The following SCAPER variants were observed in gnomAD, a reference collection of about 807,000 sequenced individuals.
SCAPER encodes S phase cyclin A-associated protein in the endoplasmic reticulum.
In SCAPER, 98 loss-of-function variants were observed where a neutral mutation model predicts 182.2. That is an observed-to-expected ratio of 0.54 (90% CI 0.46 to 0.64). The LOEUF is 0.64. Among genes scored for constraint, SCAPER ranks in the 30% least tolerant of loss-of-function variants. The probability of loss-of-function intolerance (pLI) is 0.00; values close to 1 mark genes in which losing one functional copy is unlikely to be tolerated. For missense variants in SCAPER, 1,432 were observed against 1,690.0 expected (o/e 0.85, Z 2.68); for synonymous variants, 605 against 564.6 (o/e 1.07, Z -1.01).
intron 29 of SCAPER, among the ~76,000 whole-genome samples, chr15:76,359,997 A>G (rs1284823980): frequency 6.6e-6 from 1 of 152,218 alleles, no homozygotes; most frequent in African/African-American, 2.4e-5. Flanking sequence ...TGGTGTCTAC[A>G]TCACCTTAGG....
intron 24 of SCAPER, among the ~76,000 whole-genome samples, chr15:76,485,686 C>T (rs2051564420): frequency 6.6e-6 from 1 of 152,126 alleles, no homozygotes; most frequent in Non-Finnish European, 1.5e-5. Flanking sequence ...CAAAAACAGA[C>T]ACACAGACCA....
intron 17 of SCAPER, among the ~76,000 whole-genome samples, chr15:76,713,488 A>G (rs2059708786): frequency 6.6e-6 from 1 of 152,096 alleles, no homozygotes; most frequent in African/African-American, 2.4e-5. Flanking sequence ...AGGGACATGG[A>G]TGAAATTGGA....
intron 20 of SCAPER, among the ~76,000 whole-genome samples, chr15:76,699,911 C>T (rs2058844198): frequency 6.6e-6 from 1 of 152,176 alleles, no homozygotes; most frequent in Non-Finnish European, 1.5e-5. Context: ...TGCACCGGTG[C>T]CAGTAGCAGC....
chr15:76,481,490 G>T (rs564289185), intron 24 of SCAPER, among the ~76,000 whole-genome samples: 33 of 152,148 alleles, frequency 2.2e-4, no homozygotes, highest in African/African-American at 7.7e-4. Context: ...CCTCATACAC[G>T]CTGCATATAT....
intron 23 of SCAPER, among the ~76,000 whole-genome samples, chr15:76,531,306 A>G (rs2454454): frequency 0.38 from 56,980 of 151,922 alleles, 10,933 homozygotes; most frequent in East Asian, 0.58. Context: ...TTTCTTTATC[A>G]GTCTGGAAAA....
chr15:76,542,038 G>T (rs925264564), intron 23 of SCAPER, among the ~76,000 whole-genome samples: 3 of 152,098 alleles, frequency 2.0e-5, no homozygotes, highest in African/African-American at 7.2e-5. Flanking sequence ...GAAAAATCTG[G>T]ACATTCTAAA....
At chr15:76,467,112 T>C (rs185018334) in intron 25 of SCAPER, among the ~76,000 whole-genome samples, 100 of 152,268 alleles carry the variant, frequency 6.6e-4, no homozygotes, top group African/African-American at 2.2e-3. Flanking sequence ...TGCTTCCCCT[T>C]TGTCTTCTGC....
intron 20 of SCAPER, among the ~76,000 whole-genome samples, chr15:76,669,255 TGAA>T (rs2056843748): frequency 7.3e-6 from 1 of 137,482 alleles, no homozygotes; most frequent in Non-Finnish European, 1.6e-5. Flanking sequence ...CACAGACAAA[TGAA>T]GAAAGTATTC....
At chr15:76,460,399 T>C (rs1477467458) in intron 25 of SCAPER, among the ~76,000 whole-genome samples, 1 of 152,172 alleles carries the variant, frequency 6.6e-6, no homozygotes, top group Non-Finnish European at 1.5e-5. Context: ...TTTTTATAAG[T>C]TGATTTTGTA....
At chr15:76,462,858 G>A (rs973374536) in intron 25 of SCAPER, among the ~76,000 whole-genome samples, 7 of 152,092 alleles carry the variant, frequency 4.6e-5, no homozygotes, top group African/African-American at 7.2e-5. Flanking sequence ...TGGGCAGTCC[G>A]TTAAGTAAAA....
At chr15:76,827,850 A>T (rs1413257020) in intron 5 of SCAPER, among the ~76,000 whole-genome samples, 1 of 152,248 alleles carries the variant, frequency 6.6e-6, no homozygotes, top group East Asian at 1.9e-4. Flanking sequence ...TAACATAACT[A>T]GGAACTTATC....
At chr15:76,418,016 CA>C (rs569321723) in intron 26 of SCAPER, among the ~76,000 whole-genome samples, 8 of 148,130 alleles carry the variant, frequency 5.4e-5, no homozygotes, top group Admixed American at 2.0e-4. Flanking sequence ...GACTCCGTCT[CA>C]AAAAAAAAAA....
intron 29 of SCAPER, among the ~76,000 whole-genome samples, chr15:76,365,251 C>T (rs983660209): frequency 5.3e-5 from 8 of 152,166 alleles, no homozygotes; most frequent in Non-Finnish European, 7.3e-5. Flanking sequence ...ACAGTGTGGG[C>T]ATTTTGTAAA....
At chr15:76,839,845 A>C (rs2069291599) in intron 5 of SCAPER, among the ~76,000 whole-genome samples, 1 of 152,228 alleles carries the variant, frequency 6.6e-6, no homozygotes, top group African/African-American at 2.4e-5. Context: ...TATCACAAAA[A>C]GACGTCATTG....
At chr15:76,457,716 A>G (rs971419465) in intron 25 of SCAPER, among the ~76,000 whole-genome samples, 2 of 152,190 alleles carry the variant, frequency 1.3e-5, no homozygotes, top group African/African-American at 4.8e-5. Context: ...AGTACACTTT[A>G]CATATGTCAT....
intron 4 of SCAPER, among the ~76,000 whole-genome samples, chr15:76,845,150 A>G (rs566965307): frequency 6.6e-6 from 1 of 152,288 alleles, no homozygotes; most frequent in South Asian, 2.1e-4. Flanking sequence ...ATGCTGAAAA[A>G]GTATTTAACA....
chr15:76,562,583 A>AT (rs1345607424), intron 23 of SCAPER, among the ~76,000 whole-genome samples: 2 of 152,204 alleles, frequency 1.3e-5, no homozygotes, highest in East Asian at 3.8e-4. Context: ...AGCACTGTCT[A>AT]CCTACAAAAG....
chr15:76,478,230 T>C (rs1243447912), intron 24 of SCAPER, among the ~76,000 whole-genome samples: 1 of 152,042 alleles, frequency 6.6e-6, no homozygotes, highest in African/African-American at 2.4e-5. Flanking sequence ...TGTTCTAGTT[T>C]GCTATTTTAA....
chr15:76,491,660 C>T (rs1018709290), intron 24 of SCAPER, among the ~76,000 whole-genome samples: 10 of 152,092 alleles, frequency 6.6e-5, no homozygotes, highest in Non-Finnish European at 1.3e-4. Flanking sequence ...TTGAGACAAT[C>T]TTGTTCTGTT....
Sources: gnomAD v4.1 joint callset for allele counts (sites outside exome capture counted in the v4.1 genomes callset) on GRCh38, gnomAD v4.1.1 for gene constraint, MANE v1.5 for transcripts, NCBI Gene and HGNC (gene_info 2026-07-23, HGNC 2026-07-21) for gene names.